Variants in CBLB observed in about 807,000 individuals in gnomAD.
CBLB encodes the protein Cbl proto-oncogene B.
Under a neutral mutation model 104.9 loss-of-function variants are expected in CBLB, and 31 were observed. The observed-to-expected ratio is 0.30, with a 90% CI of 0.22 to 0.40. The LOEUF (loss-of-function observed/expected upper bound fraction) is 0.40, where lower values mean the gene tolerates loss of function less well. Among genes scored for constraint, CBLB ranks in the 10% least tolerant of loss-of-function variants. The pLI is 1.00. For synonymous variants in CBLB, 440 were observed against 422.6 expected (o/e 1.04, Z -0.51); for missense variants, 1,062 against 1,214.6 (o/e 0.87, Z 1.87).
intron 2 of CBLB, among the ~76,000 whole-genome samples, chr3:105,859,143 G>T (rs539623389): frequency 6.6e-6 from 1 of 152,158 alleles, no homozygotes. Flanking sequence ...AAATGTATTA[G>T]ATCAGATAGT....
At chr3:105,809,185 T>C (rs1349086957) in intron 3 of CBLB, among the ~76,000 whole-genome samples, 1 of 152,234 alleles carries the variant, frequency 6.6e-6, no homozygotes, top group Non-Finnish European at 1.5e-5. Flanking sequence ...ACTTTGGTTT[T>C]ATTATACTCA....
rs745729382 is a variant in CBLB, at chr3:105,756,886, G to A, written c.567-5268C>T. Among the ~76,000 whole-genome samples, 19 of 152,104 alleles carry A rather than the reference G, an allele frequency of 1.2e-4. 1 individual carries two copies. The highest frequency in any genetic ancestry group is 5.2e-4 in the Admixed American group (8 of 15,272). ...CCCAGTGGGAGGTGATCGGATCATG[G>A]GAGCATATTTCCAATGAATGGTTTA... On this transcript the variant is annotated intron_variant, in intron 4 of 18. Transcript: ENST00000394030.
At chr3:105,803,034 C>G (rs533024498) in intron 3 of CBLB, among the ~76,000 whole-genome samples, 1 of 152,064 alleles carries the variant, frequency 6.6e-6, no homozygotes, top group African/African-American at 2.4e-5. Context: ...TTAGAGAAAT[C>G]GGAGAAGTCT....
intron 3 of CBLB, among the ~76,000 whole-genome samples, chr3:105,841,716 G>A (rs533267346): frequency 6.6e-6 from 1 of 151,904 alleles, no homozygotes; most frequent in Middle Eastern, 3.4e-3. Flanking sequence ...GCCTCCCAAA[G>A]TGCTGGGATT....
Position 105,656,261 on chromosome 3 carries a change from T to C in CBLB, c.*2709A>G. 4.7e-6 allele frequency: 1 copy of C among 211,564 alleles called. No homozygotes were observed. The highest frequency in any genetic ancestry group is 9.6e-6 in the Non-Finnish European group (1 of 104,704). The allele number at this position is 211,564 out of a possible 1,614,324, so 13.1% of individuals were successfully genotyped here. A position where few individuals can be genotyped will look rare whatever the true frequency, so the allele number is the denominator to read the frequency against. ...TCAGTAAGTTAATTTGTCTTAATTT[T>C]ATGTATTATATGAAATGCTGACTTA... On this transcript the variant is annotated 3_prime_UTR_variant, in exon 19 of 19. Transcript: ENST00000394030.
chr3:105,716,982 G>A (rs2071994378), intron 10 of CBLB, among the ~76,000 whole-genome samples: 1 of 152,126 alleles, frequency 6.6e-6, no homozygotes, highest in South Asian at 2.1e-4. Flanking sequence ...TAAGATCAAG[G>A]AGAAACACTA....
chr3:105,678,411 C>T lies in CBLB; in HGVS notation c.2569+20G>A. The T allele has an allele frequency of 6.2e-7, 1 of 1,613,164 alleles. No individual in the cohort carries two copies. The highest frequency in any genetic ancestry group is 8.5e-7 in the Non-Finnish European group (1 of 1,179,242). ...ATTTTTGCTTTAAGTGAATAGTTTT[C>T]TTTGGCTTTTCCCTCCTACCTGAAG... On this transcript the variant is annotated intron_variant, in intron 17 of 18. Transcript: ENST00000394030.
intron 6 of CBLB, among the ~76,000 whole-genome samples, chr3:105,742,737 A>T (rs377702123): frequency 2.0e-5 from 3 of 152,224 alleles, no homozygotes; most frequent in African/African-American, 7.2e-5. Flanking sequence ...TATGAATCTC[A>T]GCAAAGTTTA....
rs76716093 is a variant in CBLB, at chr3:105,867,878, TAA to T, written c.-14-289_-14-288del. ...TAAGGCTGAACTAATACTCAACTCATAAAAAAAAAAAAAAGAACAAACAAAAC... is the reference window on the plus strand; with the variant it reads ...TAAGGCTGAACTAATACTCAACTCATAAAAAAAAAAAAGAACAAACAAAAC... On this transcript the variant is annotated intron_variant, in intron 1 of 18. Coordinates refer to ENST00000394030, the MANE Select transcript of CBLB (RefSeq NM_170662.5). Among the ~76,000 whole-genome samples the T allele has an allele frequency of 3.5e-4, 49 of 141,304 alleles. 1 individual carries two copies. The highest frequency in any genetic ancestry group is 4.4e-4 in the African/African-American group (17 of 38,302). The allele number at this position is 141,304 out of a possible 152,430, so 92.7% of individuals were successfully genotyped here.
At position 105,681,427 on chromosome 3, in the gene CBLB, A is replaced by C. The variant is rs760622741; in HGVS notation, c.2428+52T>G. On this transcript the variant is annotated intron_variant, in intron 16 of 18. Transcript: ENST00000394030. ...TGAACTCTGAATTCTGAAAATTCTGAAATTAAAAGAAGGAGGGGTGGGTTG... is the reference window on the plus strand; with the variant it reads ...TGAACTCTGAATTCTGAAAATTCTGCAATTAAAAGAAGGAGGGGTGGGTTG... 3 of 1,586,306 alleles carry C rather than the reference A, an allele frequency of 1.9e-6. No homozygotes were observed. In the African/African-American group the frequency reaches 4.0e-5, roughly 21 times the overall value.
intron 17 of CBLB, chr3:105,672,263 T>C (rs1022641047): frequency 1.1e-5 from 2 of 183,016 alleles, no homozygotes; most frequent in African/African-American, 2.3e-5. Flanking sequence ...CACTGTACTA[T>C]ATTCTTCCAT....
intron 14 of CBLB, among the ~76,000 whole-genome samples, chr3:105,684,449 A>G (rs973652195): frequency 6.6e-6 from 1 of 152,032 alleles, no homozygotes; most frequent in Non-Finnish European, 1.5e-5. Flanking sequence ...ATTATTAATA[A>G]CTCTTATTTA....
chr3:105,852,396 A>C (rs2091055600), intron 3 of CBLB, among the ~76,000 whole-genome samples: 1 of 152,146 alleles, frequency 6.6e-6, no homozygotes. Context: ...AAGTTTATAA[A>C]ATTTTTTTTA....
At chr3:105,765,997 A>G (rs576683664) in intron 4 of CBLB, among the ~76,000 whole-genome samples, 1 of 152,322 alleles carries the variant, frequency 6.6e-6, no homozygotes, top group South Asian at 2.1e-4. Flanking sequence ...TCACCTTTCT[A>G]ATGCCACTAA....
chr3:105,810,440 C>T (rs1476934221), intron 3 of CBLB, among the ~76,000 whole-genome samples: 1 of 152,060 alleles, frequency 6.6e-6, no homozygotes, highest in African/African-American at 2.4e-5. Flanking sequence ...ACATACACCA[C>T]AGCTCACCAA....
intron 7 of CBLB, among the ~76,000 whole-genome samples, chr3:105,739,114 T>G (rs1173977381): frequency 6.6e-6 from 1 of 152,166 alleles, no homozygotes. Context: ...TTTGCCATGT[T>G]GCCCAGCCTG....
At chr3:105,725,823 T>TAA (rs2073536878) in intron 9 of CBLB, among the ~76,000 whole-genome samples, 1 of 152,114 alleles carries the variant, frequency 6.6e-6, no homozygotes, top group Non-Finnish European at 1.5e-5. Context: ...TGAAGGAAGA[T>TAA]AGAGTAAAAC....
intron 3 of CBLB, among the ~76,000 whole-genome samples, chr3:105,847,323 C>A (rs754258137): frequency 6.6e-6 from 1 of 151,714 alleles, no homozygotes; most frequent in Non-Finnish European, 1.5e-5. Context: ...TAAATACAGG[C>A]TAGCTTCTTC....
chr3:105,765,766 T>C (rs972516698), intron 4 of CBLB, among the ~76,000 whole-genome samples: 1 of 152,206 alleles, frequency 6.6e-6, no homozygotes, highest in Non-Finnish European at 1.5e-5. Context: ...TACTGCTCAT[T>C]GGCAATGCCC....
Sources: gnomAD v4.1 joint callset for allele counts (sites outside exome capture counted in the v4.1 genomes callset) on GRCh38, gnomAD v4.1.1 for gene constraint, MANE v1.5 for transcripts, NCBI Gene and HGNC (gene_info 2026-07-23, HGNC 2026-07-21) for gene names.